Variants in ARNT2 observed in about 807,000 individuals in gnomAD.
ARNT2 encodes the protein aryl hydrocarbon receptor nuclear translocator 2.
A neutral mutation model predicts 91.7 loss-of-function variants in ARNT2; 36 were observed. The ratio of observed to expected loss-of-function variants is 0.39; its 90% confidence interval spans 0.30 to 0.52. The LOEUF (loss-of-function observed/expected upper bound fraction) is 0.52. Ranked by LOEUF, ARNT2 falls within the 20% of genes least tolerant of loss-of-function variation. The pLI is 0.72. For synonymous variants in ARNT2, 365 were observed against 347.1 expected (o/e 1.05, Z -0.57); for missense variants, 775 against 939.3 (o/e 0.83, Z 2.29).
At chr15:80,518,036 C>G (rs145397237) in intron 8 of ARNT2, among the ~76,000 whole-genome samples, 1 of 152,034 alleles carries the variant, frequency 6.6e-6, no homozygotes, top group African/African-American at 2.4e-5. Flanking sequence ...TGTTTTTTTT[C>G]TAGCTTGTTA....
chr15:80,464,170 T>A (rs566875056), intron 3 of ARNT2, among the ~76,000 whole-genome samples: 2 of 152,280 alleles, frequency 1.3e-5, no homozygotes, highest in Admixed American at 6.5e-5. Flanking sequence ...AGCTCTGAAC[T>A]AGGACCAGTT....
chr15:80,441,970 T>C (rs1896198441), intron 1 of ARNT2, among the ~76,000 whole-genome samples: 1 of 152,198 alleles, frequency 6.6e-6, no homozygotes, highest in Admixed American at 6.5e-5. Flanking sequence ...ATATTTGCAT[T>C]TGGAGTCAGA....
At chr15:80,476,929 G>T (rs966436930) in intron 5 of ARNT2, among the ~76,000 whole-genome samples, 2 of 152,190 alleles carry the variant, frequency 1.3e-5, no homozygotes, top group African/African-American at 4.8e-5. Context: ...GAGGTGATTG[G>T]ATCATGGGGG....
chr15:80,415,204 C>G (rs542867482), intron 1 of ARNT2, among the ~76,000 whole-genome samples: 21 of 152,378 alleles, frequency 1.4e-4, no homozygotes, highest in Non-Finnish European at 2.8e-4. Context: ...AAGCCCACCG[C>G]TCCCACATAT....
At chr15:80,459,228 A>G (rs537908217) in intron 3 of ARNT2, among the ~76,000 whole-genome samples, 1 of 152,326 alleles carries the variant, frequency 6.6e-6, no homozygotes, top group South Asian at 2.1e-4. Context: ...GAGATGGAGA[A>G]CATTTTGGTC....
chr15:80,567,749 C>T (rs986868024), intron 12 of ARNT2, among the ~76,000 whole-genome samples: 1 of 152,178 alleles, frequency 6.6e-6, no homozygotes, highest in Non-Finnish European at 1.5e-5. Context: ...GATCAGGATG[C>T]CCCCTCAGGG....
Position 80,513,983 on chromosome 15 carries a change from A to G in ARNT2, c.791+7A>G, listed in dbSNP as rs746065773. Reference sequence around the variant, plus strand: ...CCATGAGGAAAAGGTTCAGGTCAGTATCTCTTCCGATGTATATTTTGGGAC... The same window carrying G: ...CCATGAGGAAAAGGTTCAGGTCAGTGTCTCTTCCGATGTATATTTTGGGAC... On this transcript the variant is annotated splice_region_variant and intron_variant, in intron 7 of 18. Coordinates refer to ENST00000303329, the MANE Select transcript of ARNT2 (RefSeq NM_014862.4). 2 of 1,608,972 alleles carry G rather than the reference A, an allele frequency of 1.2e-6. No individual in the cohort carries two copies. Among genetic ancestry groups the G allele is most frequent in the Non-Finnish European group, 8.5e-7 (1 of 1,175,358 alleles).
At chr15:80,477,383 G>T (rs1209226842) in intron 5 of ARNT2, among the ~76,000 whole-genome samples, 1 of 152,136 alleles carries the variant, frequency 6.6e-6, no homozygotes, top group Non-Finnish European at 1.5e-5. Context: ...TATCTATCTG[G>T]GATCTGTTTT....
rs116810740 is a variant in ARNT2, at chr15:80,579,154, C to T, written c.1614-1257C>T. 9.4e-3 allele frequency among the ~76,000 whole-genome samples: 1,439 copies of T among 152,312 alleles called. 22 individuals are homozygous for T. Among genetic ancestry groups the T allele is most frequent in the African/African-American group, 0.032 (1,341 of 41,566 alleles). On this transcript the variant is annotated intron_variant, in intron 15 of 18. Coordinates refer to ENST00000303329, the MANE Select transcript of ARNT2 (RefSeq NM_014862.4). ...AAGGCGCCTTTCCTAGGACCGTCTA[C>T]GCTGTAGCGGCCCTCATCAGTCAGT... is the stretch of plus-strand genomic sequence containing the variant.
At chr15:80,562,121 C>G (rs1898370208) in intron 11 of ARNT2, among the ~76,000 whole-genome samples, 1 of 151,070 alleles carries the variant, frequency 6.6e-6, no homozygotes, top group Non-Finnish European at 1.5e-5. Context: ...ATCACCCAGG[C>G]TGGAGTGCAG....
intron 5 of ARNT2, chr15:80,487,884 T>C (rs1897000987): frequency 6.6e-6 from 1 of 152,254 alleles, no homozygotes; most frequent in South Asian, 2.1e-4. Flanking sequence ...GGTAAATATT[T>C]CTTTGTAAGA....
chr15:80,529,718 C>T (rs1897704643), intron 8 of ARNT2, among the ~76,000 whole-genome samples: 1 of 152,162 alleles, frequency 6.6e-6, no homozygotes, highest in South Asian at 2.1e-4. Context: ...TTCTCAGTTG[C>T]TCTCTTCACT....
Position 80,580,226 on chromosome 15 carries a change from G to C in ARNT2, c.1614-185G>C, listed in dbSNP as rs1407751606. On this transcript the variant is annotated intron_variant, in intron 15 of 18. Coordinates refer to ENST00000303329, the MANE Select transcript of ARNT2 (RefSeq NM_014862.4). ...TACTCAGCAGTGTAGAGGAAGCCCT[G>C]AAGGGAGAGGAGGACGGCCAAGGGG... 5 of 721,854 alleles carry C rather than the reference G, an allele frequency of 6.9e-6. 1 individual carries two copies. In the East Asian group the frequency reaches 1.3e-4, roughly 18 times the overall value. The allele number at this position is 721,854 out of a possible 1,614,324, so 44.7% of individuals were successfully genotyped here. A position where few individuals can be genotyped will look rare whatever the true frequency, so the allele number is the denominator to read the frequency against.
At chr15:80,446,586 C>T (rs898795954) in intron 1 of ARNT2, among the ~76,000 whole-genome samples, 5 of 152,242 alleles carry the variant, frequency 3.3e-5, no homozygotes, top group Non-Finnish European at 5.9e-5. Context: ...GGTGGCCAAA[C>T]ACGTAAGAGC....
At chr15:80,510,587 T>G (rs1897327149) in intron 6 of ARNT2, among the ~76,000 whole-genome samples, 1 of 147,224 alleles carries the variant, frequency 6.8e-6, no homozygotes, top group Non-Finnish European at 1.5e-5. Context: ...TCCCAGCATT[T>G]TGGGAGGCCA....
intron 3 of ARNT2, among the ~76,000 whole-genome samples, chr15:80,464,325 T>A (rs376896906): frequency 7.2e-6 from 1 of 139,516 alleles, no homozygotes; most frequent in African/African-American, 2.6e-5. Context: ...GGGCTGGGGG[T>A]GGGGGGTTGC....
At chr15:80,593,571 C>T (rs1374051510) in intron 18 of ARNT2, 29 bp from the exon 19 acceptor site, 1 of 1,540,608 alleles carries the variant, frequency 6.5e-7, no homozygotes, top group South Asian at 1.2e-5. Context: ...GCTGACTCCC[C>T]TGTGGCTCTC....
intron 8 of ARNT2, among the ~76,000 whole-genome samples, chr15:80,547,051 G>A (rs1406815525): frequency 6.6e-6 from 1 of 152,062 alleles, no homozygotes; most frequent in Non-Finnish European, 1.5e-5. Flanking sequence ...ACAAGATGAG[G>A]TATAAAACTC....
intron 16 of ARNT2, 24 bp from the exon 17 acceptor site, chr15:80,581,215 C>A: frequency 1.2e-6 from 2 of 1,612,210 alleles, no homozygotes; most frequent in Non-Finnish European, 8.5e-7. Context: ...TGCTTTCCAT[C>A]TCTTTGCTTT....
Sources: gnomAD v4.1 joint callset for allele counts (sites outside exome capture counted in the v4.1 genomes callset) on GRCh38, gnomAD v4.1.1 for gene constraint, MANE v1.5 for transcripts, NCBI Gene and HGNC (gene_info 2026-07-23, HGNC 2026-07-21) for gene names.